SCMH1: variants seen among roughly 807,000 people sequenced by gnomAD.
The protein encoded by SCMH1 is Scm polycomb group protein homolog 1.
SCMH1 carries 37 observed loss-of-function variants against 70.8 expected under a neutral mutation model. The ratio of observed to expected loss-of-function variants is 0.52; its 90% CI spans 0.40 to 0.69. The LOEUF (loss-of-function observed/expected upper bound fraction) is 0.69, where lower values mean the gene tolerates loss of function less well. SCMH1 is among the 30% of genes least tolerant of loss of function. The pLI, the probability that SCMH1 is intolerant of heterozygous loss-of-function variation, is 0.00. For missense variants in SCMH1, 607 were observed against 827.3 expected (o/e 0.73, Z 3.27); for synonymous variants, 292 against 307.4 (o/e 0.95, Z 0.52).
chr1:41,104,133 T>A (rs1667290056), intron 8 of SCMH1, among the ~76,000 whole-genome samples: 1 of 152,206 alleles, frequency 6.6e-6, no homozygotes, highest in Admixed American at 6.5e-5. Context: ...ATCTACTACG[T>A]GCTACATGGT....
At chr1:41,147,161 T>C (rs568964071) in intron 5 of SCMH1, among the ~76,000 whole-genome samples, 1 of 152,320 alleles carries the variant, frequency 6.6e-6, no homozygotes, top group East Asian at 1.9e-4. Context: ...GAAATAATGG[T>C]ATTGAGCATC....
chr1:41,053,931 G>A (rs568453660), intron 10 of SCMH1, among the ~76,000 whole-genome samples: 10 of 151,668 alleles, frequency 6.6e-5, no homozygotes, highest in South Asian at 2.1e-4. Context: ...TGCAAGCTCC[G>A]CCTCCCGGGT....
chr1:41,133,369 G>A (rs1012077825), intron 6 of SCMH1, among the ~76,000 whole-genome samples: 2 of 152,102 alleles, frequency 1.3e-5, no homozygotes, highest in Middle Eastern at 3.4e-3. Context: ...ACATCACAAT[G>A]AAAAGAACTA....
intron 1 of SCMH1, among the ~76,000 whole-genome samples, chr1:41,220,753 G>T (rs1557857258): frequency 6.6e-6 from 1 of 152,178 alleles, no homozygotes. Context: ...CTTTTTAATG[G>T]AACATATCTT....
intron 1 of SCMH1, among the ~76,000 whole-genome samples, chr1:41,237,166 T>C (rs548145411): frequency 7.0e-4 from 106 of 152,192 alleles, no homozygotes; most frequent in Non-Finnish European, 1.4e-3. Flanking sequence ...TTAGTGACAT[T>C]GAGGAACTCA....
chr1:41,075,542 G>A (rs2148907751), intron 8 of SCMH1, 91 bp from the exon 9 acceptor site: 1 of 1,060,828 alleles, frequency 9.4e-7, no homozygotes, highest in East Asian at 2.5e-5. Context: ...CTTCTGCTCA[G>A]GTAGTTTTGT....
intron 8 of SCMH1, among the ~76,000 whole-genome samples, chr1:41,093,969 G>A (rs1299306488): frequency 1.3e-5 from 2 of 152,094 alleles, no homozygotes; most frequent in Non-Finnish European, 2.9e-5. Context: ...TCTGAATAAC[G>A]AGTTTGTCTT....
chr1:41,150,196 T>A (rs1320802128), intron 5 of SCMH1, among the ~76,000 whole-genome samples: 1 of 152,196 alleles, frequency 6.6e-6, no homozygotes, highest in Non-Finnish European at 1.5e-5. Flanking sequence ...GCTGCTTGAT[T>A]TTTAGTGACT....
chr1:41,132,555 T>A (rs943316755), intron 6 of SCMH1, among the ~76,000 whole-genome samples: 4 of 152,228 alleles, frequency 2.6e-5, no homozygotes, highest in South Asian at 2.1e-4. Context: ...TTTAATTAGA[T>A]CCCATTTGTC....
chr1:41,124,495 C>T (rs1557550630), intron 6 of SCMH1, among the ~76,000 whole-genome samples: 5 of 129,042 alleles, frequency 3.9e-5, no homozygotes, highest in African/African-American at 1.3e-4. Flanking sequence ...TTGTATGACA[C>T]TGACATTTTT....
intron 9 of SCMH1, among the ~76,000 whole-genome samples, chr1:41,072,711 T>A (rs538539730): frequency 1.2e-4 from 18 of 152,118 alleles, no homozygotes; most frequent in Middle Eastern, 3.4e-3. Flanking sequence ...AAGTTTTTTT[T>A]AAAAATTAGC....
At chr1:41,131,834 A>G (rs1287580931) in intron 6 of SCMH1, among the ~76,000 whole-genome samples, 1 of 152,162 alleles carries the variant, frequency 6.6e-6, no homozygotes, top group East Asian at 1.9e-4. Context: ...TTTGCTGAGA[A>G]TGATGGTTTC....
chr1:41,177,554 G>A (rs1647317840), intron 2 of SCMH1, among the ~76,000 whole-genome samples: 1 of 152,214 alleles, frequency 6.6e-6, no homozygotes, highest in African/African-American at 2.4e-5. Context: ...AGGACCTGAT[G>A]GAGCTGAAAA....
intron 1 of SCMH1, among the ~76,000 whole-genome samples, chr1:41,209,989 A>G (rs1656601237): frequency 6.6e-6 from 1 of 152,242 alleles, no homozygotes; most frequent in Non-Finnish European, 1.5e-5. Flanking sequence ...AAGTCTCCTT[A>G]AGTTGATAAG....
At chr1:41,176,608 G>A (rs984803078) in intron 2 of SCMH1, among the ~76,000 whole-genome samples, 8 of 152,206 alleles carry the variant, frequency 5.3e-5, no homozygotes, top group South Asian at 2.1e-4. Context: ...ATTATATCCC[G>A]CGCCTGGCTC....
At chr1:41,221,836 G>A (rs1443227430) in intron 1 of SCMH1, among the ~76,000 whole-genome samples, 2 of 130,452 alleles carry the variant, frequency 1.5e-5, no homozygotes, top group Non-Finnish European at 3.1e-5. Flanking sequence ...AGGTTGCTGT[G>A]AGCCAACACT....
intron 6 of SCMH1, among the ~76,000 whole-genome samples, chr1:41,133,476 CA>C (rs371912660): frequency 1.2e-4 from 18 of 151,810 alleles, no homozygotes; most frequent in African/African-American, 4.3e-4. Context: ...ATAAACCCTT[CA>C]AAAAAATCAA....
At chr1:41,046,141 G>A (rs911301598) in intron 12 of SCMH1, among the ~76,000 whole-genome samples, 1 of 152,162 alleles carries the variant, frequency 6.6e-6, no homozygotes. Flanking sequence ...AACTCAGAAG[G>A]GGAATTGCGA....
chr1:41,154,281 T>C (rs1160969668), intron 4 of SCMH1, among the ~76,000 whole-genome samples: 1 of 152,214 alleles, frequency 6.6e-6, no homozygotes, highest in Non-Finnish European at 1.5e-5. Context: ...CCCTAGGTAA[T>C]TTGGATTAAC....
Sources: gnomAD v4.1 joint callset for allele counts (sites outside exome capture counted in the v4.1 genomes callset) on GRCh38, gnomAD v4.1.1 for gene constraint, MANE v1.5 for transcripts, NCBI Gene and HGNC (gene_info 2026-07-23, HGNC 2026-07-21) for gene names.